The following XKR4 variants were observed in gnomAD, a reference collection of about 807,000 sequenced individuals.
XKR4 encodes XK-related protein 4.
In XKR4, 12 loss-of-function variants were observed where a neutral mutation model predicts 53.9. The ratio of observed to expected loss-of-function variants is 0.22; its 90% confidence interval spans 0.14 to 0.36. XKR4 has a LOEUF of 0.36. Among genes scored for constraint, XKR4 ranks in the 10% least tolerant of loss-of-function variants. The probability of loss-of-function intolerance (pLI) is 1.00; values close to 1 mark genes in which losing one functional copy is unlikely to be tolerated. For missense variants in XKR4, 799 were observed against 859.5 expected (o/e 0.93, Z 0.88); for synonymous variants, 354 against 362.4 (o/e 0.98, Z 0.26).
chr8:55,389,357 T>C (rs982619865), intron 2 of XKR4, among the ~76,000 whole-genome samples: 3 of 152,210 alleles, frequency 2.0e-5, no homozygotes, highest in Non-Finnish European at 2.9e-5. Flanking sequence ...CTAGCTAATA[T>C]GTCACTCCAA....
chr8:55,256,819 T>C (rs574748003), intron 1 of XKR4, among the ~76,000 whole-genome samples: 1 of 152,318 alleles, frequency 6.6e-6, no homozygotes, highest in Admixed American at 6.5e-5. Flanking sequence ...TGGGTTGACA[T>C]GGTGTCTTAG....
chr8:55,345,138 T>C (rs1464219975), intron 1 of XKR4, among the ~76,000 whole-genome samples: 2 of 151,826 alleles, frequency 1.3e-5, no homozygotes, highest in Non-Finnish European at 2.9e-5. Context: ...AAAAGTTAGC[T>C]GGGTGTGGTG....
chr8:55,251,608 A>T (rs1818363123), intron 1 of XKR4, among the ~76,000 whole-genome samples: 1 of 152,250 alleles, frequency 6.6e-6, no homozygotes, highest in African/African-American at 2.4e-5. Flanking sequence ...ATGAATAAAA[A>T]TATCCAGAAT....
intron 2 of XKR4, among the ~76,000 whole-genome samples, chr8:55,434,410 CGTGTGTGT>C (rs10598891): frequency 2.7e-5 from 4 of 148,150 alleles, no homozygotes; most frequent in South Asian, 2.2e-4. Context: ...TGATACCAAT[CGTGTGTGT>C]GTGTGTGTGT....
chr8:55,376,981 G>A (rs1380099041), intron 2 of XKR4, among the ~76,000 whole-genome samples: 8 of 101,456 alleles, frequency 7.9e-5, no homozygotes, highest in Non-Finnish European at 1.7e-4. Flanking sequence ...CACACAGAGA[G>A]AGAGAGAGAG....
chr8:55,462,084 G>A (rs1055658611), intron 2 of XKR4, among the ~76,000 whole-genome samples: 1 of 152,192 alleles, frequency 6.6e-6, no homozygotes, highest in African/African-American at 2.4e-5. Context: ...CCCCAATCTA[G>A]CAAGGCAGGT....
At chr8:55,441,344 A>G (rs1358536238) in intron 2 of XKR4, among the ~76,000 whole-genome samples, 1 of 152,228 alleles carries the variant, frequency 6.6e-6, no homozygotes, top group African/African-American at 2.4e-5. Flanking sequence ...TTCTAAACTT[A>G]CAGGCATTTA....
chr8:55,353,673 A>G (rs1281677844), intron 1 of XKR4, among the ~76,000 whole-genome samples: 1 of 152,220 alleles, frequency 6.6e-6, no homozygotes, highest in Non-Finnish European at 1.5e-5. Flanking sequence ...TGATGATCGA[A>G]TGGAGACTAT....
chr8:55,357,545 C>A, intron 1 of XKR4, 133 bp from the exon 2 acceptor site: 1 of 877,126 alleles, frequency 1.1e-6, no homozygotes, highest in Non-Finnish European at 1.7e-6. Context: ...TGGACTTTAA[C>A]TCATAAGCCC....
intron 1 of XKR4, among the ~76,000 whole-genome samples, chr8:55,217,007 G>T (rs4737949): frequency 0.94 from 143,153 of 152,014 alleles, 67,487 homozygotes; most frequent in Non-Finnish European, 0.95. Flanking sequence ...CTTTGGGAGG[G>T]TGAGGTGGGT....
intron 1 of XKR4, among the ~76,000 whole-genome samples, chr8:55,149,702 A>G (rs984979901): frequency 6.6e-6 from 1 of 152,226 alleles, no homozygotes; most frequent in Non-Finnish European, 1.5e-5. Context: ...GCCGGACAGC[A>G]GCCAGCAGGC....
At position 55,374,716 on chromosome 8, in the gene XKR4, G is replaced by A. The variant is rs577665120; in HGVS notation, c.1006+16839G>A. On this transcript the variant is annotated intron_variant, in intron 2 of 2. Transcript: ENST00000327381. ...TGGAGATGAGAGCTGAAAAGAGCCT[G>A]ATGGGTCTGACAATTCAGAGACCAC... 1.9e-4 allele frequency among the ~76,000 whole-genome samples: 29 copies of A among 152,318 alleles called. No individual in the cohort carries two copies. The South Asian group carries it at 6.0e-3, about 32-fold the overall frequency.
intron 1 of XKR4, among the ~76,000 whole-genome samples, chr8:55,288,192 A>G (rs949159554): frequency 7.2e-5 from 11 of 152,190 alleles, no homozygotes; most frequent in Non-Finnish European, 1.2e-4. Flanking sequence ...TTCAGAGGCA[A>G]TGTGTCTCCA....
intron 1 of XKR4, among the ~76,000 whole-genome samples, chr8:55,137,572 C>CTTT (rs369443865): frequency 7.4e-4 from 97 of 130,766 alleles, no homozygotes; most frequent in East Asian, 4.6e-3. Context: ...CAGAAGAGAA[C>CTTT]TTTTTTTTTT....
chr8:55,236,389 C>T (rs188332193), intron 1 of XKR4, among the ~76,000 whole-genome samples: 1 of 152,160 alleles, frequency 6.6e-6, no homozygotes, highest in Non-Finnish European at 1.5e-5. Flanking sequence ...TTTCATGCCT[C>T]AGAGATAATC....
chr8:55,450,362 G>T, intron 2 of XKR4: 1 of 678,188 alleles, frequency 1.5e-6, no homozygotes, highest in Non-Finnish European at 2.5e-6. Context: ...TTGCTGTAGG[G>T]CCGCAGGACC....
intron 2 of XKR4, among the ~76,000 whole-genome samples, chr8:55,421,097 A>T (rs1226173534): frequency 6.6e-6 from 1 of 152,236 alleles, no homozygotes; most frequent in African/African-American, 2.4e-5. Context: ...ACAGAATTGA[A>T]TTCAAGCCCT....
chr8:55,251,600 G>A (rs549315483), intron 1 of XKR4, among the ~76,000 whole-genome samples: 2 of 152,324 alleles, frequency 1.3e-5, no homozygotes, highest in East Asian at 3.9e-4. Flanking sequence ...GAAGCTTAAT[G>A]AATAAAAATA....
chr8:55,320,052 T>A (rs1382237150), intron 1 of XKR4, among the ~76,000 whole-genome samples: 1 of 152,224 alleles, frequency 6.6e-6, no homozygotes, highest in Non-Finnish European at 1.5e-5. Flanking sequence ...TAGCACTTAT[T>A]TTTCTTGCAC....
Sources: allele counts gnomAD v4.1 joint callset (sites outside exome capture counted in the v4.1 genomes callset), GRCh38; gene constraint gnomAD v4.1.1; transcripts MANE v1.5; gene names NCBI Gene and HGNC (gene_info 2026-07-23, HGNC 2026-07-21).